The following ZNF438 variants were observed in gnomAD, a reference collection of about 807,000 sequenced individuals.
The protein encoded by ZNF438 is zinc finger protein 438.
ZNF438 carries 25 observed loss-of-function variants against 38.0 expected under a neutral mutation model. The ratio of observed to expected loss-of-function variants is 0.66; its 90% CI spans 0.48 to 0.92. The LOEUF (loss-of-function observed/expected upper bound fraction) is 0.92. Among genes scored for constraint, ZNF438 ranks in the 40% least tolerant of loss-of-function variants. ZNF438 has a pLI of 0.00. For synonymous variants in ZNF438, 372 were observed against 364.1 expected, an observed-to-expected ratio of 1.02 and a Z score of -0.25; for missense variants, 1,007 against 999.6, an observed-to-expected ratio of 1.01 and a Z score of -0.10.
chr10:30,868,307 G>A (rs1419905223), intron 4 of ZNF438, among the ~76,000 whole-genome samples: 1 of 152,144 alleles, frequency 6.6e-6, no homozygotes. Flanking sequence ...CTGACCGCAG[G>A]TGATCCGCCC....
At chr10:30,893,727 TTTATTTTAG>T (rs2040992779) in intron 3 of ZNF438, among the ~76,000 whole-genome samples, 2 of 152,270 alleles carry the variant, frequency 1.3e-5, no homozygotes, top group South Asian at 4.1e-4. Context: ...TACTAAGTGG[TTTATTTTAG>T]ATGTACACTG....
At chr10:30,923,898 A>G (rs1306957454) in intron 2 of ZNF438, among the ~76,000 whole-genome samples, 1 of 152,200 alleles carries the variant, frequency 6.6e-6, no homozygotes. Context: ...AAAATCTGTT[A>G]GGGATTTGAT....
At chr10:30,946,055 C>A (rs1243625704) in intron 1 of ZNF438, among the ~76,000 whole-genome samples, 2 of 146,522 alleles carry the variant, frequency 1.4e-5, no homozygotes, top group Non-Finnish European at 3.0e-5. Flanking sequence ...CACATCCTCT[C>A]CAGCACCTGT....
intron 1 of ZNF438, among the ~76,000 whole-genome samples, chr10:30,961,149 TAAAAAA>T (rs562859851): frequency 3.1e-5 from 4 of 127,646 alleles, no homozygotes; most frequent in Non-Finnish European, 1.7e-5. Flanking sequence ...GCCTGTTTCT[TAAAAAA>T]AAAAAAAGTT....
intron 3 of ZNF438, among the ~76,000 whole-genome samples, chr10:30,901,128 T>C (rs1003702264): frequency 6.6e-6 from 1 of 152,234 alleles, no homozygotes; most frequent in Non-Finnish European, 1.5e-5. Flanking sequence ...GGAAGTCGCC[T>C]TTCTTATAAC....
chr10:30,919,336 G>T (rs74346533), intron 2 of ZNF438: 1 of 151,678 alleles, frequency 6.6e-6, no homozygotes, highest in Admixed American at 6.6e-5. Context: ...CTTCCCCTTT[G>T]AAGTATTTTC....
At chr10:30,922,608 C>G (rs1564647258) in intron 2 of ZNF438, among the ~76,000 whole-genome samples, 1 of 152,062 alleles carries the variant, frequency 6.6e-6, no homozygotes, top group Admixed American at 6.6e-5. Context: ...CTGAGGCGGG[C>G]AGATCACCTG....
intron 1 of ZNF438, among the ~76,000 whole-genome samples, chr10:31,030,508 G>C (rs1442247341): frequency 6.6e-6 from 1 of 152,150 alleles, no homozygotes; most frequent in African/African-American, 2.4e-5. Context: ...TTTGATCCTG[G>C]AAAAACCAAC....
upstream of ZNF438, among the ~76,000 whole-genome samples, chr10:31,032,362 G>C (rs114412529): frequency 0.082 from 12,534 of 152,084 alleles, 617 homozygotes; most frequent in Non-Finnish European, 0.11. Flanking sequence ...GCTCTCCCAG[G>C]GTCCCTCGCT....
chr10:30,932,650 C>T (rs2045822001), intron 2 of ZNF438, among the ~76,000 whole-genome samples: 1 of 152,162 alleles, frequency 6.6e-6, no homozygotes, highest in Non-Finnish European at 1.5e-5. Context: ...CTGCACTCTA[C>T]AAAGAAATAT....
At chr10:30,881,256 G>T (rs1489490492) in intron 3 of ZNF438, among the ~76,000 whole-genome samples, 4 of 152,044 alleles carry the variant, frequency 2.6e-5, no homozygotes, top group Admixed American at 6.5e-5. Flanking sequence ...TACAAAAAAA[G>T]CTCTTCTAAT....
intron 1 of ZNF438, among the ~76,000 whole-genome samples, chr10:31,030,859 GCAGT>G (rs1485683821): frequency 2.6e-5 from 4 of 152,176 alleles, no homozygotes; most frequent in African/African-American, 9.7e-5. Context: ...AAATATTCAA[GCAGT>G]CAGATACGAT....
At chr10:30,938,411 G>A (rs60933600) in intron 2 of ZNF438, among the ~76,000 whole-genome samples, 1,852 of 152,180 alleles carry the variant, frequency 0.012, 40 homozygotes, top group African/African-American at 0.041. Flanking sequence ...AAGTAGCTGG[G>A]ATTACAGGTG....
intron 1 of ZNF438, among the ~76,000 whole-genome samples, chr10:30,981,721 C>CA (rs930982154): frequency 1.1e-4 from 17 of 151,468 alleles, no homozygotes; most frequent in Non-Finnish European, 1.5e-4. Context: ...ACTAAAAATA[C>CA]AAAAAAAATT....
rs987229060 is a variant in ZNF438, at chr10:30,848,520, T to C, written c.1874+11A>G. The C allele has an allele frequency of 5.6e-6, 9 of 1,602,110 alleles. No homozygotes were observed. The highest frequency in any genetic ancestry group is 2.2e-5 in the East Asian group (1 of 44,584). ...ACTCTCTTGCCAGGTCTCCATTACA[T>C]TGGCACTCACCTCTCCAATGATCCC... On this transcript the variant is annotated intron_variant, in intron 5 of 5. Transcript: ENST00000413025.
intron 1 of ZNF438, among the ~76,000 whole-genome samples, chr10:31,010,892 GAAA>G (rs563189482): frequency 1.3e-4 from 12 of 92,580 alleles, no homozygotes; most frequent in African/African-American, 6.4e-4. Context: ...GACCCTGTTT[GAAA>G]AAAAAAAAAA....
At chr10:30,978,850 A>T (rs2051749295) in intron 1 of ZNF438, among the ~76,000 whole-genome samples, 1 of 152,240 alleles carries the variant, frequency 6.6e-6, no homozygotes, top group Non-Finnish European at 1.5e-5. Context: ...CACCAGCTGC[A>T]TTAGCCCCTA....
intron 1 of ZNF438, among the ~76,000 whole-genome samples, chr10:30,949,061 A>T (rs1160787283): frequency 1.3e-5 from 2 of 152,120 alleles, no homozygotes; most frequent in East Asian, 3.8e-4. Context: ...CTCGGCAGAA[A>T]CCCTACAAGC....
At chr10:30,908,209 A>G (rs1360860977) in intron 3 of ZNF438, among the ~76,000 whole-genome samples, 2 of 152,094 alleles carry the variant, frequency 1.3e-5, no homozygotes, top group Non-Finnish European at 2.9e-5. Context: ...ACTTATTCCT[A>G]ATTGTATTCT....
Sources: allele counts gnomAD v4.1 joint callset (sites outside exome capture counted in the v4.1 genomes callset), GRCh38; gene constraint gnomAD v4.1.1; transcripts MANE v1.5; gene names NCBI Gene and HGNC (gene_info 2026-07-23, HGNC 2026-07-21).